The following ZNF316 variants were observed in gnomAD, a reference collection of about 807,000 sequenced individuals.
The protein encoded by ZNF316 is zinc finger protein 316.
A neutral mutation model predicts 75.6 loss-of-function variants in ZNF316; 23 were observed. The observed-to-expected ratio is 0.30, with a 90% CI of 0.22 to 0.43. The LOEUF is 0.43. ZNF316 is among the 20% of genes least tolerant of loss of function. ZNF316 has a pLI of 1.00. For missense variants in ZNF316, 1,266 were observed against 1,409.4 expected (o/e 0.90, Z 1.63); for synonymous variants, 827 against 666.2 (o/e 1.24, Z -3.72).
chr7:6,644,503 C>G lies in ZNF316; in HGVS notation c.616C>G (p.Leu206Val). 2 of 1,232,306 alleles carry G rather than the reference C, an allele frequency of 1.6e-6. No individual in the cohort carries two copies. The highest frequency in any genetic ancestry group is 2.0e-6 in the Non-Finnish European group (2 of 988,056). 76.3% of individuals were successfully genotyped at this position (1,232,306 alleles called of 1,614,324 possible). ...SLGYPIPKPD[L>V]IFRLEQGEEP... ...AGGATACCCAATTCCCAAGCCCGAT[C>G]TGATCTTCCGGCTGGAACAAGGGGA... The change falls in exon 8 of 9, where the codon CTG becomes GTG. Residue 206 changes from leucine (L) to valine (V), a missense_variant. Coordinates refer to ENST00000382252, the MANE Select transcript of ZNF316 (RefSeq NM_001278559.2).
At chr7:6,647,656 C>T (rs1271282658) in intron 8 of ZNF316, among the ~76,000 whole-genome samples, 3 of 152,238 alleles carry the variant, frequency 2.0e-5, no homozygotes, top group African/African-American at 7.2e-5. Flanking sequence ...TCAGCCAACT[C>T]CGTGGACTCG....
Position 6,653,614 on chromosome 7 carries a change from G to A in ZNF316, c.2018G>A (p.Gly673Glu), listed in dbSNP as rs1352234158. ...CTGCGCGCGTTCGGGCCCGCCATCG[G>A]GGGTCTGCTGGCGGAGCCCGCGCCG... The part of the protein sequence containing the change: ...GGLRAFGPAI[G>E]GLLAEPAPAA... Residue 673 changes from glycine to glutamate, a missense_variant, in exon 9 of 9, where the codon GGG becomes GAG. Coordinates refer to ENST00000382252, the MANE Select transcript of ZNF316 (RefSeq NM_001278559.2). 47 of 1,061,648 alleles carry A rather than the reference G, an allele frequency of 4.4e-5. No homozygotes were observed. Among genetic ancestry groups the A allele is most frequent in the Non-Finnish European group, 5.1e-5 (45 of 877,994 alleles). 65.8% of individuals were successfully genotyped at this position (1,061,648 alleles called of 1,614,324 possible).
At chr7:6,644,024 G>A (rs1779356107) in intron 7 of ZNF316, 76 bp downstream of exon 7, 5 of 1,220,162 alleles carry the variant, frequency 4.1e-6, no homozygotes, top group Admixed American at 4.2e-5. Flanking sequence ...CTGACGGGGC[G>A]CTTTTCAAAT....
In ZNF316 at chr7:6,642,959, C is replaced by G. The variant is rs1017647133; in HGVS notation, c.356-5C>G. 8.1e-7 allele frequency: 1 copy of G among 1,232,588 alleles called. No individual in the cohort carries two copies. The highest frequency in any genetic ancestry group is 1.6e-5 in the African/African-American group (1 of 64,384). 76.4% of individuals were successfully genotyped at this position (1,232,588 alleles called of 1,614,324 possible). ...CAGCTGGCCCTAAGAGATCTCTCCC[C>G]ACAGGCCTGCAGGCCTCCCGGGCTC... On this transcript the variant is annotated splice_region_variant and splice_polypyrimidine_tract_variant and intron_variant, in intron 5 of 8. Coordinates refer to ENST00000382252, the MANE Select transcript of ZNF316 (RefSeq NM_001278559.2). The surrounding 1 kb of genome is among the most constrained non-coding windows in gnomAD (Gnocchi z 8.1).
chr7:6,646,210 A>G (rs184137358), intron 8 of ZNF316, among the ~76,000 whole-genome samples: 26 of 152,206 alleles, frequency 1.7e-4, no homozygotes, highest in African/African-American at 6.3e-4. Context: ...TCATTGTAGG[A>G]GGCCCTTCGT....
In ZNF316 at chr7:6,653,501, C is replaced by T. The variant is rs968891448; in HGVS notation, c.1905C>T (p.Pro635=). Residue 635 remains proline (P), a synonymous_variant, in exon 9 of 9, where the codon CCC becomes CCT. Coordinates refer to ENST00000382252, the MANE Select transcript of ZNF316 (RefSeq NM_001278559.2). ...TCGACGGGCGCCCGCTCCCGGCGCC[C>T]CTGGGGGGCCCGCTCTCCCTGGTGG... ...LPVDGRPLPA[P]LGGPLSLVEG... 1 of 1,220,876 alleles carries T rather than the reference C, an allele frequency of 8.2e-7. No homozygotes were observed. The highest frequency in any genetic ancestry group is 4.3e-5 in the Admixed American group (1 of 23,342). The allele number at this position is 1,220,876 out of a possible 1,614,324, so 75.6% of individuals were successfully genotyped here.
chr7:6,654,338 C>G lies in ZNF316; in HGVS notation c.2742C>G (p.Pro914=), dbSNP rs1363811976. The G allele has an allele frequency of 1.6e-6, 2 of 1,222,194 alleles. No individual in the cohort carries two copies. Among genetic ancestry groups the G allele is most frequent in the African/African-American group, 3.1e-5 (2 of 63,848 alleles). 75.7% of individuals were successfully genotyped at this position (1,222,194 alleles called of 1,614,324 possible). Residue 914 remains proline (P), a synonymous_variant, in exon 9 of 9, where the codon CCC becomes CCG. Coordinates refer to ENST00000382252, the MANE Select transcript of ZNF316 (RefSeq NM_001278559.2). ...THQRTHTGER[P]YACANCGRRF... ...AGCGCACACATACGGGCGAGCGGCC[C>G]TACGCCTGCGCCAACTGCGGCCGCC... is the stretch of plus-strand genomic sequence containing the variant.
chr7:6,657,578 C>T lies in ZNF316; in HGVS notation c.*2967C>T, dbSNP rs1278984530. 6.6e-6 allele frequency among the ~76,000 whole-genome samples: 1 copy of T among 152,082 alleles called. No homozygotes were observed. The highest frequency in any genetic ancestry group is 1.5e-5 in the Non-Finnish European group (1 of 68,022). On this transcript the variant is annotated 3_prime_UTR_variant, in exon 9 of 9. Transcript: ENST00000382252. The stretch of plus-strand genomic sequence containing the variant: ...GGGTGCGATGGCTCATGCCTGTAAT[C>T]CCAGCACTATGGGAGGCCAAGGCGG...
chr7:6,653,907 G>A lies in ZNF316; in HGVS notation c.2311G>A (p.Gly771Ser). ...GGCGGCGCACGTGCGCGGCCACACG[G>A]GCGAGAAGCCGTTCGTGTGCGGCGT... ...HLAAHVRGHTGEKPFVCGVCG... is the reference protein window; with the variant it reads ...HLAAHVRGHTSEKPFVCGVCG... Residue 771 changes from glycine (G) to serine (S), a missense_variant, in exon 9 of 9, where the codon GGC becomes AGC. Around this residue, in one of 3 missense-constraint regions of ZNF316, gnomAD observed 194 missense variants for 319.2 expected, o/e 0.61. Transcript: ENST00000382252. 2 of 1,126,758 alleles carry A rather than the reference G, an allele frequency of 1.8e-6. No individual in the cohort carries two copies. The highest frequency in any genetic ancestry group is 2.2e-6 in the Non-Finnish European group (2 of 921,058). The allele number at this position is 1,126,758 out of a possible 1,614,324, so 69.8% of individuals were successfully genotyped here.
In ZNF316 at chr7:6,652,708, A is replaced by G. The variant is rs1779532381; in HGVS notation, c.1112A>G (p.Lys371Arg). Residue 371 changes from lysine (K) to arginine (R), a missense_variant, in exon 9 of 9, where the codon AAG (lysine) becomes AGG (arginine). This residue lies in a region of ZNF316 where 961 missense variants were observed against 990.9 expected (regional missense o/e 0.97). Coordinates refer to ENST00000382252, the MANE Select transcript of ZNF316 (RefSeq NM_001278559.2). ...CACCAGCGCTACCACGCGGCCGTCA[A>G]GCCCTTCGGCTGCGAGGAGTGCGGC... Reference protein sequence around the residue: ...AKHQRYHAAVKPFGCEECGKG... With the variant: ...AKHQRYHAAVRPFGCEECGKG... The G allele has an allele frequency of 2.4e-6, 3 of 1,238,686 alleles. No individual in the cohort carries two copies. Among genetic ancestry groups the G allele is most frequent in the East Asian group, 3.2e-5 (1 of 31,698 alleles). The allele number at this position is 1,238,686 out of a possible 1,614,324, so 76.7% of individuals were successfully genotyped here. A position where few individuals can be genotyped will look rare whatever the true frequency, so the allele number is the denominator to read the frequency against.
At position 6,652,401 on chromosome 7, in the gene ZNF316, C is replaced by T; in HGVS notation, c.805C>T (p.Leu269Phe). 1.6e-6 allele frequency: 2 copies of T among 1,232,364 alleles called. No individual in the cohort carries two copies. Among genetic ancestry groups the T allele is most frequent in the East Asian group, 3.2e-5 (1 of 31,700 alleles). 76.3% of individuals were successfully genotyped at this position (1,232,364 alleles called of 1,614,324 possible). A position where few individuals can be genotyped will look rare whatever the true frequency, so the allele number is the denominator to read the frequency against. Residue 269 changes from leucine to phenylalanine, a missense_variant, in exon 9 of 9, where the codon CTC becomes TTC. Physicochemically the swap from Leu to Phe is conservative, Grantham distance 22. Around this residue, in one of 3 missense-constraint regions of ZNF316, gnomAD observed 961 missense variants for 990.9 expected, o/e 0.97. Coordinates refer to ENST00000382252, the MANE Select transcript of ZNF316 (RefSeq NM_001278559.2). The part of the protein sequence containing the change: ...VAEEENEPPG[L>F]WSAAYGVGDV... ...CGAGGAGGAGAACGAGCCCCCAGGGCTCTGGTCGGCGGCCTACGGCGTGGG... is the reference window on the plus strand; with the variant it reads ...CGAGGAGGAGAACGAGCCCCCAGGGTTCTGGTCGGCGGCCTACGGCGTGGG...
chr7:6,654,410 C>T lies in ZNF316; in HGVS notation c.2814C>T (p.Arg938=), dbSNP rs1361282121. ...SHLLTHMKTH[R]GATAAPGSGS... ...TGCTCACCCACATGAAGACGCACCG[C>T]GGAGCCACCGCAGCGCCGGGCTCGG... The change falls in exon 9 of 9, where the codon CGC becomes CGT. Residue 938 remains arginine, a synonymous_variant. Transcript: ENST00000382252. 9.9e-6 allele frequency: 12 copies of T among 1,212,684 alleles called. No homozygotes were observed. In the Admixed American group the frequency reaches 2.6e-4, roughly 26 times the overall value. The allele number at this position is 1,212,684 out of a possible 1,614,324, so 75.1% of individuals were successfully genotyped here. A position where few individuals can be genotyped will look rare whatever the true frequency, so the allele number is the denominator to read the frequency against.
chr7:6,644,047 C>A, intron 7 of ZNF316, 99 bp downstream of exon 7: 1 of 1,189,574 alleles, frequency 8.4e-7, no homozygotes. Context: ...CAGGGTCTTT[C>A]CAAAGGTGGA....
At position 6,639,834 on chromosome 7, in the gene ZNF316, T is replaced by A. The variant is rs888180619; in HGVS notation, c.-167+693T>A. 6.6e-6 allele frequency among the ~76,000 whole-genome samples: 1 copy of A among 152,086 alleles called. No homozygotes were observed. The highest frequency in any genetic ancestry group is 1.5e-5 in the Non-Finnish European group (1 of 68,020). ...GCCCTGAGTGCTGGGCAGGGCCGTGTCCTCCTGGAGGTGGCTAGCATAACA... is the reference window on the plus strand; with the variant it reads ...GCCCTGAGTGCTGGGCAGGGCCGTGACCTCCTGGAGGTGGCTAGCATAACA... On this transcript the variant is annotated intron_variant, in intron 3 of 8. Transcript: ENST00000382252. The surrounding 1 kb of genome is among the most constrained non-coding windows in gnomAD (Gnocchi z 4.2).
chr7:6,649,024 T>C (rs1156374319), intron 8 of ZNF316, among the ~76,000 whole-genome samples: 1 of 152,118 alleles, frequency 6.6e-6, no homozygotes. Flanking sequence ...TGGGGTGGTC[T>C]CCCTCTCCAT....
chr7:6,652,229 G>C (rs1410364386), intron 8 of ZNF316, 74 bp from the exon 9 acceptor site: 1 of 1,222,888 alleles, frequency 8.2e-7, no homozygotes, highest in East Asian at 3.2e-5. Flanking sequence ...CTGATTTCTC[G>C]GGACAGGAAC....
In ZNF316 at chr7:6,653,760, G is replaced by A. The variant is rs1450001007; in HGVS notation, c.2164G>A (p.Ala722Thr). ...YHAGERPHRC[A>T]DCGKSFVYGS... ...CGCGGGCGAGCGGCCGCATCGCTGC[G>A]CCGACTGCGGCAAGAGCTTCGTGTA... Residue 722 changes from alanine to threonine, a missense_variant, in exon 9 of 9, where the codon GCC becomes ACC. Ala to Thr is a moderately conservative substitution (Grantham distance 58). Coordinates refer to ENST00000382252, the MANE Select transcript of ZNF316 (RefSeq NM_001278559.2). The A allele has an allele frequency of 4.6e-6, 5 of 1,091,856 alleles. No homozygotes were observed. In the African/African-American group the frequency reaches 5.1e-5, roughly 11 times the overall value. The allele number at this position is 1,091,856 out of a possible 1,614,324, so 67.6% of individuals were successfully genotyped here.
In ZNF316 at chr7:6,652,929, G is replaced by C; in HGVS notation, c.1333G>C (p.Val445Leu). 1 of 1,244,102 alleles carries C rather than the reference G, an allele frequency of 8.0e-7. No homozygotes were observed. The highest frequency in any genetic ancestry group is 1.0e-6 in the Non-Finnish European group (1 of 993,642). 77.1% of individuals were successfully genotyped at this position (1,244,102 alleles called of 1,614,324 possible). ...GGGCTTCGGGCGCCGCTCCTACCTG[G>C]TCACGCACCAGCGCACGCACACCGG... ...GAGFGRRSYLVTHQRTHTGER... is the reference protein window; with the variant it reads ...GAGFGRRSYLLTHQRTHTGER... The change falls in exon 9 of 9, where the codon GTC becomes CTC. Residue 445 changes from valine to leucine, a missense_variant. Around this residue, in one of 3 missense-constraint regions of ZNF316, gnomAD observed 961 missense variants for 990.9 expected, o/e 0.97. Transcript: ENST00000382252.
In ZNF316 at chr7:6,654,233, C is replaced by T. The variant is rs550187610; in HGVS notation, c.2637C>T (p.Arg879=). ...GCTCCAACCTGGCCAAGCACCGGCG[C>T]GGCCACACGGGCGAACGCCCCTTCC... ...AQRSNLAKHR[R]GHTGERPFPC... The change falls in exon 9 of 9, where the codon CGC becomes CGT. Residue 879 remains arginine (R), a synonymous_variant. Transcript: ENST00000382252. 5 of 1,222,626 alleles carry T rather than the reference C, an allele frequency of 4.1e-6. No individual in the cohort carries two copies. In the South Asian group the frequency reaches 1.6e-4, roughly 38 times the overall value. The allele number at this position is 1,222,626 out of a possible 1,614,324, so 75.7% of individuals were successfully genotyped here. A position where few individuals can be genotyped will look rare whatever the true frequency, so the allele number is the denominator to read the frequency against.
Sources: allele counts gnomAD v4.1 joint callset (sites outside exome capture counted in the v4.1 genomes callset), GRCh38; gene constraint gnomAD v4.1.1; regional missense constraint gnomAD v4.1.1; non-coding constraint Gnocchi (gnomAD v3.1); transcripts MANE v1.5; gene names NCBI Gene and HGNC (gene_info 2026-07-23, HGNC 2026-07-21).